GREM2: variants seen among roughly 807,000 people sequenced by gnomAD.
GREM2 encodes the protein gremlin 2, DAN family BMP antagonist.
Under a neutral mutation model 14.2 loss-of-function variants are expected in GREM2, and 11 were observed. The observed-to-expected ratio is 0.78, with a 90% CI of 0.49 to 1.28. GREM2 has a LOEUF of 1.28. GREM2 is among the 50% of genes most tolerant of loss of function. The pLI, the probability that GREM2 is intolerant of heterozygous loss-of-function variation, is 0.00. For missense variants in GREM2, 210 were observed against 218.5 expected (o/e 0.96, Z 0.24); for synonymous variants, 98 against 97.6 (o/e 1.00, Z -0.02).
intron 1 of GREM2, among the ~76,000 whole-genome samples, chr1:240,595,896 C>A (rs1220824093): frequency 6.6e-6 from 1 of 152,226 alleles, no homozygotes; most frequent in Non-Finnish European, 1.5e-5. Flanking sequence ...AAGGGCCTAC[C>A]TTTTCCTCAA....
In GREM2 at chr1:240,540,808, G is replaced by A. The variant is rs1678571337; in HGVS notation, c.-1-47332C>T. Among the ~76,000 whole-genome samples the A allele has an allele frequency of 6.6e-6, 1 of 152,072 alleles. No homozygotes were observed. Among genetic ancestry groups the A allele is most frequent in the Non-Finnish European group, 1.5e-5 (1 of 68,002 alleles). On this transcript the variant is annotated intron_variant, in intron 1 of 1. Transcript: ENST00000318160. The surrounding 1 kb of genome is among the most constrained non-coding windows in gnomAD (Gnocchi z 4.2). ...GATCTACTGACCTCGTGATCTGCCT[G>A]CCTCGGCCTCCCAAAGTGCTGGGAT...
chr1:240,555,395 C>CA (rs770626167), intron 1 of GREM2, among the ~76,000 whole-genome samples: 5 of 151,942 alleles, frequency 3.3e-5, no homozygotes, highest in African/African-American at 4.8e-5. Context: ...GGGCCTGGCA[C>CA]AAAGCATAAG....
intron 1 of GREM2, among the ~76,000 whole-genome samples, chr1:240,598,510 T>C (rs1679862526): frequency 6.6e-6 from 1 of 152,216 alleles, no homozygotes; most frequent in African/African-American, 2.4e-5. Context: ...TTTTCTTCCC[T>C]TTGTACAAAT....
chr1:240,521,510 A>G (rs555774538), intron 1 of GREM2, among the ~76,000 whole-genome samples: 148 of 151,992 alleles, frequency 9.7e-4, no homozygotes, highest in East Asian at 1.6e-3. Context: ...GGCGGAGCTT[A>G]CAGTGAGCCG....
At chr1:240,610,521 C>T (rs1680112128) in intron 1 of GREM2, among the ~76,000 whole-genome samples, 1 of 151,972 alleles carries the variant, frequency 6.6e-6, no homozygotes, top group East Asian at 1.9e-4. Flanking sequence ...AACAAACAAA[C>T]AAAAAAAGGT....
At chr1:240,518,393 A>G (rs952826454) in intron 1 of GREM2, among the ~76,000 whole-genome samples, 5 of 152,242 alleles carry the variant, frequency 3.3e-5, no homozygotes, top group African/African-American at 1.2e-4. Context: ...TCAGTTGGAG[A>G]GATAGACCTA....
chr1:240,597,810 A>G (rs1679850226), intron 1 of GREM2, among the ~76,000 whole-genome samples: 1 of 152,058 alleles, frequency 6.6e-6, no homozygotes, highest in South Asian at 2.1e-4. Flanking sequence ...TTACTTTCAA[A>G]TCTCCATGCC....
At chr1:240,598,974 A>G (rs1239776991) in intron 1 of GREM2, among the ~76,000 whole-genome samples, 1 of 152,086 alleles carries the variant, frequency 6.6e-6, no homozygotes, top group Admixed American at 6.6e-5. Context: ...GATTCATTCA[A>G]TAAAGAGTAA....
chr1:240,518,287 T>C (rs1262096022), intron 1 of GREM2, among the ~76,000 whole-genome samples: 1 of 152,228 alleles, frequency 6.6e-6, no homozygotes, highest in East Asian at 1.9e-4. Flanking sequence ...GACCCATTTA[T>C]GCTCTGTGAA....
At chr1:240,608,487 A>G (rs1281083198) in intron 1 of GREM2, among the ~76,000 whole-genome samples, 1 of 152,212 alleles carries the variant, frequency 6.6e-6, no homozygotes, top group Non-Finnish European at 1.5e-5. Flanking sequence ...AGAGAGAAGC[A>G]GCTAGTTTTC....
At chr1:240,522,547 T>A (rs1272976841) in intron 1 of GREM2, among the ~76,000 whole-genome samples, 1 of 152,180 alleles carries the variant, frequency 6.6e-6, no homozygotes, top group African/African-American at 2.4e-5. Flanking sequence ...CTAGAGAACG[T>A]CATTGTTGTC....
At chr1:240,521,567 T>C (rs1399101008) in intron 1 of GREM2, among the ~76,000 whole-genome samples, 2 of 151,338 alleles carry the variant, frequency 1.3e-5, no homozygotes, top group Non-Finnish European at 2.9e-5. Flanking sequence ...TGAGACTCCG[T>C]CTCAAAAAAA....
intron 1 of GREM2, among the ~76,000 whole-genome samples, chr1:240,604,406 G>A (rs972790729): frequency 9.2e-5 from 14 of 151,794 alleles, no homozygotes; most frequent in East Asian, 3.9e-4. Flanking sequence ...TCTAAAAGCA[G>A]GTATGATCAC....
intron 1 of GREM2, among the ~76,000 whole-genome samples, chr1:240,529,137 T>G (rs1016040809): frequency 2.6e-5 from 4 of 151,746 alleles, no homozygotes; most frequent in African/African-American, 9.7e-5. Flanking sequence ...CTGGTGAGGC[T>G]GGGAAGACAC....
At chr1:240,521,009 A>T (rs936297300) in intron 1 of GREM2, among the ~76,000 whole-genome samples, 3 of 151,148 alleles carry the variant, frequency 2.0e-5, no homozygotes, top group Non-Finnish European at 4.4e-5. Context: ...TCCTCTGGTT[A>T]TTTTTTGGAA....
At chr1:240,564,643 A>AAAGCTAATG (rs1679140394) in intron 1 of GREM2, among the ~76,000 whole-genome samples, 1 of 152,146 alleles carries the variant, frequency 6.6e-6, no homozygotes, top group African/African-American at 2.4e-5. Flanking sequence ...GGGTTAGGAG[A>AAAGCTAATG]AAGCTAATGA....
intron 1 of GREM2, among the ~76,000 whole-genome samples, chr1:240,608,979 T>C (rs546419163): frequency 2.0e-5 from 3 of 152,126 alleles, no homozygotes; most frequent in Non-Finnish European, 4.4e-5. Context: ...GCATTTATTT[T>C]CCCCCCACAC....
chr1:240,492,929 G>A lies in GREM2; in HGVS notation c.*40C>T, dbSNP rs1002532212. The A allele has an allele frequency of 7.2e-7, 1 of 1,389,206 alleles. No individual in the cohort carries two copies. Among genetic ancestry groups the A allele is most frequent in the East Asian group, 2.7e-5 (1 of 36,908 alleles). The allele number at this position is 1,389,206 out of a possible 1,614,324, so 86.1% of individuals were successfully genotyped here. ...GAGGCGGCGGCGGCGCCACCCAGCG[G>A]CCGGGCGCGCGCGGGGCTGAGCTGC... On this transcript the variant is annotated 3_prime_UTR_variant, in exon 2 of 2. Coordinates refer to ENST00000318160, the MANE Select transcript of GREM2 (RefSeq NM_022469.4).
chr1:240,544,544 A>G (rs1415644139), intron 1 of GREM2, among the ~76,000 whole-genome samples: 1 of 152,202 alleles, frequency 6.6e-6, no homozygotes, highest in African/African-American at 2.4e-5. Context: ...ATACAAAGGA[A>G]CAGGTGTATT....
Sources: allele counts gnomAD v4.1 joint callset (sites outside exome capture counted in the v4.1 genomes callset), GRCh38; gene constraint gnomAD v4.1.1; non-coding constraint Gnocchi (gnomAD v3.1); transcripts MANE v1.5; gene names NCBI Gene and HGNC (gene_info 2026-07-23, HGNC 2026-07-21).